SHISA6: variants seen among roughly 807,000 people sequenced by gnomAD.
SHISA6 encodes protein shisa-6.
A neutral mutation model predicts 47.9 loss-of-function variants in SHISA6; 22 were observed. The ratio of observed to expected loss-of-function variants is 0.46; its 90% CI spans 0.33 to 0.66. The LOEUF is 0.66. Ranked by LOEUF, SHISA6 falls within the 30% of genes least tolerant of loss-of-function variation. The pLI is 0.02. For missense variants in SHISA6, 680 were observed against 764.6 expected (o/e 0.89, Z 1.30); for synonymous variants, 388 against 337.8 (o/e 1.15, Z -1.63).
rs926130356 is a variant in SHISA6, at chr17:11,437,967, A to T, written c.895+58458A>T. On this transcript the variant is annotated intron_variant, in intron 3 of 5. Coordinates refer to ENST00000441885, the MANE Select transcript of SHISA6 (RefSeq NM_207386.4). ...TAGCGATCAGATGACTCCAACCATA[A>T]TGTCACTGCTTATGGTGATGTTTTG... 2.6e-5 allele frequency among the ~76,000 whole-genome samples: 4 copies of T among 152,250 alleles called. No homozygotes were observed. In the South Asian group the frequency reaches 8.3e-4, roughly 32 times the overall value.
At position 11,263,644 on chromosome 17, in the gene SHISA6, C is replaced by G. The variant is rs1908324345; in HGVS notation, c.799+118C>G. 2.3e-6 allele frequency: 3 copies of G among 1,305,212 alleles called. No individual in the cohort carries two copies. In the Admixed American group the frequency reaches 7.1e-5, roughly 31 times the overall value. 80.9% of individuals were successfully genotyped at this position (1,305,212 alleles called of 1,614,324 possible). ...TGGTGTGATGAGGGACTCTCATGGA[C>G]AGGCAGGCTGGCAAAAGATTTTTGG... On this transcript the variant is annotated intron_variant, in intron 2 of 5. Transcript: ENST00000441885.
At chr17:11,350,170 A>ATTTTTTT (rs1295741204) in intron 2 of SHISA6, among the ~76,000 whole-genome samples, 38 of 105,400 alleles carry the variant, frequency 3.6e-4, no homozygotes, top group East Asian at 9.1e-4. Context: ...TTATTTATTT[A>ATTTTTTT]TTTATTTATT....
intron 3 of SHISA6, among the ~76,000 whole-genome samples, chr17:11,488,515 C>T (rs1298773879): frequency 6.6e-6 from 1 of 152,054 alleles, no homozygotes; most frequent in Non-Finnish European, 1.5e-5. Context: ...ATTATTTTTT[C>T]GTGGAATTTA....
intron 3 of SHISA6, among the ~76,000 whole-genome samples, chr17:11,440,909 A>G (rs1003833368): frequency 6.6e-6 from 1 of 151,982 alleles, no homozygotes; most frequent in Non-Finnish European, 1.5e-5. Context: ...GGATAAAGAT[A>G]GCCTGGGACC....
intron 3 of SHISA6, among the ~76,000 whole-genome samples, chr17:11,444,911 A>C (rs1440097681): frequency 1.3e-5 from 2 of 152,218 alleles, no homozygotes; most frequent in Non-Finnish European, 2.9e-5. Flanking sequence ...TACAAGTTCC[A>C]CAGAGGAGAT....
At chr17:11,375,878 A>G (rs1403034819) in intron 2 of SHISA6, among the ~76,000 whole-genome samples, 2 of 152,170 alleles carry the variant, frequency 1.3e-5, no homozygotes, top group South Asian at 2.1e-4. Context: ...GGAGGTATAG[A>G]CATCACCAGG....
chr17:11,329,627 T>C (rs1358796252), intron 2 of SHISA6, among the ~76,000 whole-genome samples: 1 of 152,110 alleles, frequency 6.6e-6, no homozygotes, highest in Non-Finnish European at 1.5e-5. Flanking sequence ...GGGTAGAGTT[T>C]GGAAGAGCCT....
intron 3 of SHISA6, among the ~76,000 whole-genome samples, chr17:11,515,414 C>A (rs2071577938): frequency 6.6e-6 from 1 of 151,384 alleles, no homozygotes; most frequent in Admixed American, 6.6e-5. Context: ...ATTGGATCCC[C>A]TGAATAGAGG....
chr17:11,282,840 T>G (rs1224357847), intron 2 of SHISA6, among the ~76,000 whole-genome samples: 2 of 152,194 alleles, frequency 1.3e-5, no homozygotes, highest in Non-Finnish European at 1.5e-5. Flanking sequence ...GAGCCCTCAC[T>G]TAGACTTGAG....
At chr17:11,515,362 AAGGG>A (rs1303194905) in intron 3 of SHISA6, among the ~76,000 whole-genome samples, 1 of 144,304 alleles carries the variant, frequency 6.9e-6, no homozygotes, top group Non-Finnish European at 1.5e-5. Context: ...GGAAGGAAGG[AAGGG>A]AGAGAAAATG....
intron 3 of SHISA6, among the ~76,000 whole-genome samples, chr17:11,513,213 TG>T (rs2071556258): frequency 6.7e-6 from 1 of 150,088 alleles, no homozygotes; most frequent in African/African-American, 2.5e-5. Flanking sequence ...TATATATGTA[TG>T]TGTTATATAT....
At chr17:11,513,989 G>C (rs530466525) in intron 3 of SHISA6, among the ~76,000 whole-genome samples, 1 of 152,324 alleles carries the variant, frequency 6.6e-6, no homozygotes, top group African/African-American at 2.4e-5. Flanking sequence ...GGGAGATGCA[G>C]GATGAGGGGA....
At position 11,360,977 on chromosome 17, in the gene SHISA6, C is replaced by T. The variant is rs1269758480; in HGVS notation, c.800-18437C>T. Among the ~76,000 whole-genome samples the T allele has an allele frequency of 4.7e-5, 6 of 128,816 alleles. No homozygotes were observed. In the South Asian group the frequency reaches 9.8e-4, roughly 21 times the overall value. The allele number at this position is 128,816 out of a possible 152,430, so 84.5% of individuals were successfully genotyped here. On this transcript the variant is annotated intron_variant, in intron 2 of 5. Transcript: ENST00000441885. ...TCCTTTTTCTCTTTGTTTTCTTTTT[C>T]CCCCACTGATTTGAATGTCGTCTTT...
intron 3 of SHISA6, among the ~76,000 whole-genome samples, chr17:11,391,958 A>T (rs1418302462): frequency 6.6e-6 from 1 of 151,982 alleles, no homozygotes; most frequent in African/African-American, 2.4e-5. Flanking sequence ...CAGTAATAAG[A>T]CCCTCCCAAT....
chr17:11,310,145 A>G (rs1403858289), intron 2 of SHISA6, among the ~76,000 whole-genome samples: 1 of 152,190 alleles, frequency 6.6e-6, no homozygotes, highest in African/African-American at 2.4e-5. Context: ...TGGGATGGAC[A>G]GTCTCCATTA....
intron 3 of SHISA6, among the ~76,000 whole-genome samples, chr17:11,476,395 A>G (rs1350787200): frequency 6.6e-6 from 1 of 152,050 alleles, no homozygotes; most frequent in Non-Finnish European, 1.5e-5. Context: ...GATTTTAGAT[A>G]TTTTGAATAT....
intron 3 of SHISA6, among the ~76,000 whole-genome samples, chr17:11,438,449 G>A (rs1472269809): frequency 6.6e-6 from 1 of 152,126 alleles, no homozygotes; most frequent in Non-Finnish European, 1.5e-5. Context: ...CACTGTGCCA[G>A]CAGTGATGGT....
At chr17:11,411,207 A>G (rs898327485) in intron 3 of SHISA6, among the ~76,000 whole-genome samples, 2 of 151,988 alleles carry the variant, frequency 1.3e-5, no homozygotes, top group African/African-American at 4.8e-5. Flanking sequence ...TGACCTCGTG[A>G]TCTGCCCACC....
At chr17:11,472,972 G>T (rs139400591) in intron 3 of SHISA6, among the ~76,000 whole-genome samples, 1 of 152,192 alleles carries the variant, frequency 6.6e-6, no homozygotes, top group Non-Finnish European at 1.5e-5. Flanking sequence ...TGATGTGTCT[G>T]TTAAGGTCTT....
Sources: allele counts gnomAD v4.1 joint callset (sites outside exome capture counted in the v4.1 genomes callset), GRCh38; gene constraint gnomAD v4.1.1; transcripts MANE v1.5; gene names NCBI Gene and HGNC (gene_info 2026-07-23, HGNC 2026-07-21).